Variants in GUCY1A2 observed in about 807,000 individuals in gnomAD.
GUCY1A2 encodes the protein guanylate cyclase soluble subunit alpha-2.
GUCY1A2 carries 27 observed loss-of-function variants against 63.5 expected under a neutral mutation model. That is an observed-to-expected ratio of 0.43 (90% CI 0.31 to 0.59). The LOEUF (loss-of-function observed/expected upper bound fraction) is 0.59. Among genes scored for constraint, GUCY1A2 ranks in the 20% least tolerant of loss-of-function variants. The pLI, the probability that GUCY1A2 is intolerant of heterozygous loss-of-function variation, is 0.11. For synonymous variants in GUCY1A2, 364 were observed against 343.5 expected, an observed-to-expected ratio of 1.06 and a Z score of -0.66; for missense variants, 768 against 913.3, an observed-to-expected ratio of 0.84 and a Z score of 2.05.
intron 4 of GUCY1A2, among the ~76,000 whole-genome samples, chr11:106,899,318 C>A (rs1331580035): frequency 1.3e-5 from 2 of 152,108 alleles, no homozygotes; most frequent in Admixed American, 1.3e-4. Flanking sequence ...AACTTTACTG[C>A]ATTTCCAGAA....
At chr11:106,896,370 A>C (rs556895599) in intron 4 of GUCY1A2, among the ~76,000 whole-genome samples, 2 of 152,310 alleles carry the variant, frequency 1.3e-5, no homozygotes, top group East Asian at 3.9e-4. Context: ...TCTTAATGGT[A>C]AAAAACCAGC....
chr11:106,842,669 C>A (rs551790080), intron 4 of GUCY1A2, among the ~76,000 whole-genome samples: 2 of 151,820 alleles, frequency 1.3e-5, no homozygotes, highest in African/African-American at 2.4e-5. Flanking sequence ...GTATTTAGAG[C>A]GGAGCTTCTC....
intron 6 of GUCY1A2, among the ~76,000 whole-genome samples, chr11:106,712,013 GATGTTTTTTTCTTGTGTTTT>G: frequency 6.6e-6 from 1 of 151,856 alleles, no homozygotes; most frequent in African/African-American, 2.4e-5. Flanking sequence ...GATTTACCTT[GATGTTTTTTTCTTGTGTTTT>G]GGGTTTGTTG....
In GUCY1A2 at chr11:106,681,262, T is replaced by C; in HGVS notation, c.*6287A>G. 9.0e-6 allele frequency: 2 copies of C among 221,678 alleles called. No homozygotes were observed. The highest frequency in any genetic ancestry group is 1.3e-4 in the East Asian group (2 of 15,278). The allele number at this position is 221,678 out of a possible 1,614,324, so 13.7% of individuals were successfully genotyped here. On this transcript the variant is annotated 3_prime_UTR_variant, in exon 8 of 8. Coordinates refer to ENST00000526355, the MANE Select transcript of GUCY1A2 (RefSeq NM_000855.3). ...TAGCTATCATTGAAAACAGTAATAA[T>C]GAGCTCTTTTATCTTTACTCTTTCA...
chr11:106,778,219 A>G (rs988951320), intron 5 of GUCY1A2, among the ~76,000 whole-genome samples: 3 of 152,188 alleles, frequency 2.0e-5, no homozygotes, highest in African/African-American at 4.8e-5. Context: ...AAATTGTACT[A>G]AATGCACAAT....
chr11:106,857,703 A>T (rs1859456222), intron 4 of GUCY1A2, among the ~76,000 whole-genome samples: 1 of 152,220 alleles, frequency 6.6e-6, no homozygotes, highest in Non-Finnish European at 1.5e-5. Context: ...AATAAACTGC[A>T]TCTGTACTGA....
At chr11:106,878,437 C>A (rs1440877548) in intron 4 of GUCY1A2, among the ~76,000 whole-genome samples, 8 of 151,776 alleles carry the variant, frequency 5.3e-5, no homozygotes, top group Non-Finnish European at 1.0e-4. Context: ...CATAGAATAC[C>A]ATATAACCAT....
At chr11:106,784,485 C>G (rs1159627522) in intron 5 of GUCY1A2, among the ~76,000 whole-genome samples, 4 of 151,992 alleles carry the variant, frequency 2.6e-5, no homozygotes, top group African/African-American at 9.7e-5. Flanking sequence ...TTGCTGGGAC[C>G]AGAACAAGAG....
chr11:106,842,239 T>C (rs1338873866), intron 4 of GUCY1A2, among the ~76,000 whole-genome samples: 3 of 151,916 alleles, frequency 2.0e-5, no homozygotes, highest in African/African-American at 7.2e-5. Flanking sequence ...AGATTGACAG[T>C]GTTAGTGGTT....
chr11:107,001,938 G>A (rs1861617031), intron 1 of GUCY1A2, among the ~76,000 whole-genome samples: 1 of 151,618 alleles, frequency 6.6e-6, no homozygotes, highest in African/African-American at 2.4e-5. Context: ...AGAATCGCTT[G>A]AACCTGGGAG....
In GUCY1A2 at chr11:106,868,297, G is replaced by T. The variant is rs551590564; in HGVS notation, c.1207-57819C>A. ...TCAACCTAATAAGCAATGCAGTTAG[G>T]CAAAGAGGAAGTCAAATTGTCCCTG... On this transcript the variant is annotated intron_variant, in intron 4 of 7. Coordinates refer to ENST00000526355, the MANE Select transcript of GUCY1A2 (RefSeq NM_000855.3). Among the ~76,000 whole-genome samples the T allele has an allele frequency of 1.4e-3, 214 of 152,144 alleles. 2 individuals carry two copies. Among genetic ancestry groups the T allele is most frequent in the Middle Eastern group, 3.4e-3 (1 of 294 alleles).
chr11:107,011,630 A>G (rs1476408271), intron 1 of GUCY1A2, among the ~76,000 whole-genome samples: 3 of 147,260 alleles, frequency 2.0e-5, no homozygotes, highest in African/African-American at 4.9e-5. Flanking sequence ...AGTATATAAT[A>G]TATAATACTA....
At chr11:106,977,761 G>A (rs115656812) in intron 3 of GUCY1A2, among the ~76,000 whole-genome samples, 131 of 152,242 alleles carry the variant, frequency 8.6e-4, no homozygotes, top group African/African-American at 3.0e-3. Context: ...CCCCAAAAGA[G>A]ATTCTGCATT....
chr11:106,880,325 A>C (rs1859806437), intron 4 of GUCY1A2, among the ~76,000 whole-genome samples: 1 of 152,026 alleles, frequency 6.6e-6, no homozygotes, highest in East Asian at 1.9e-4. Flanking sequence ...GTTTGGGGTT[A>C]AATGATGGTT....
At chr11:106,921,087 G>A (rs1202927415) in intron 4 of GUCY1A2, among the ~76,000 whole-genome samples, 1 of 152,012 alleles carries the variant, frequency 6.6e-6, no homozygotes, top group Admixed American at 6.6e-5. Flanking sequence ...TACATACTCT[G>A]CCTTACTCAA....
chr11:106,907,499 C>T (rs957740977), intron 4 of GUCY1A2, among the ~76,000 whole-genome samples: 1 of 151,974 alleles, frequency 6.6e-6, no homozygotes, highest in African/African-American at 2.4e-5. Flanking sequence ...TGGTGTGCTG[C>T]ACCCATTAAC....
chr11:106,954,200 T>G (rs1244741504), intron 3 of GUCY1A2, among the ~76,000 whole-genome samples: 1 of 152,188 alleles, frequency 6.6e-6, no homozygotes, highest in Non-Finnish European at 1.5e-5. Context: ...TTCCAGAGAT[T>G]CTGGTATGTT....
chr11:107,002,048 C>A (rs1363217413), intron 1 of GUCY1A2, among the ~76,000 whole-genome samples: 1 of 151,464 alleles, frequency 6.6e-6, no homozygotes, highest in Non-Finnish European at 1.5e-5. Flanking sequence ...TGCCCAACCA[C>A]AATGTGCCAG....
At chr11:106,762,723 T>A (rs1334356410) in intron 6 of GUCY1A2, among the ~76,000 whole-genome samples, 1 of 152,116 alleles carries the variant, frequency 6.6e-6, no homozygotes, top group East Asian at 1.9e-4. Context: ...TTAATTGGCA[T>A]GAATTCTTTC....
Sources: gnomAD v4.1 joint callset for allele counts (sites outside exome capture counted in the v4.1 genomes callset) on GRCh38, gnomAD v4.1.1 for gene constraint, MANE v1.5 for transcripts, NCBI Gene and HGNC (gene_info 2026-07-23, HGNC 2026-07-21) for gene names.